Variants in SLC35F1 observed in about 807,000 individuals in gnomAD.
The protein encoded by SLC35F1 is chromosome 6 open reading frame 169.
Under a neutral mutation model 48.7 loss-of-function variants are expected in SLC35F1, and 14 were observed. The observed-to-expected ratio is 0.29, with a 90% CI of 0.19 to 0.45. The LOEUF (loss-of-function observed/expected upper bound fraction) is 0.45. Among genes scored for constraint, SLC35F1 ranks in the 20% least tolerant of loss-of-function variants. The pLI, the probability that SLC35F1 is intolerant of heterozygous loss-of-function variation, is 1.00. For missense variants in SLC35F1, 404 were observed against 500.0 expected (o/e 0.81, Z 1.83); for synonymous variants, 190 against 202.2 (o/e 0.94, Z 0.51).
chr6:118,061,850 A>G (rs1220361154), intron 1 of SLC35F1, among the ~76,000 whole-genome samples: 1 of 152,050 alleles, frequency 6.6e-6, no homozygotes, highest in African/African-American at 2.4e-5. Context: ...AGTTCACAAT[A>G]GAGTCTGCAC....
chr6:117,974,114 T>C (rs1410999490), intron 1 of SLC35F1, among the ~76,000 whole-genome samples: 1 of 152,222 alleles, frequency 6.6e-6, no homozygotes, highest in African/African-American at 2.4e-5. Context: ...AATCTCTCTA[T>C]GCCCCAGTTT....
intron 1 of SLC35F1, among the ~76,000 whole-genome samples, chr6:118,139,348 G>A (rs1269965632): frequency 3.3e-5 from 5 of 152,130 alleles, no homozygotes; most frequent in South Asian, 2.1e-4. Flanking sequence ...TCCTGACCTC[G>A]TGATCCACCC....
At chr6:118,093,817 T>C (rs1424883046) in intron 1 of SLC35F1, among the ~76,000 whole-genome samples, 1 of 152,114 alleles carries the variant, frequency 6.6e-6, no homozygotes, top group Admixed American at 6.5e-5. Flanking sequence ...AAGAAGAGTA[T>C]CCAGTAAGGT....
intron 2 of SLC35F1, among the ~76,000 whole-genome samples, chr6:118,221,779 T>A (rs559034535): frequency 6.6e-5 from 10 of 152,324 alleles, no homozygotes; most frequent in African/African-American, 2.4e-4. Context: ...ATTTCTCCCT[T>A]CCTGTATTGT....
At chr6:118,153,543 C>T (rs1191915509) in intron 1 of SLC35F1, among the ~76,000 whole-genome samples, 2 of 152,224 alleles carry the variant, frequency 1.3e-5, no homozygotes, top group East Asian at 3.9e-4. Flanking sequence ...TCAGGGAGGG[C>T]AGAAATCTAC....
chr6:118,041,239 G>A (rs1159631485), intron 1 of SLC35F1, among the ~76,000 whole-genome samples: 2 of 152,052 alleles, frequency 1.3e-5, no homozygotes, highest in Non-Finnish European at 2.9e-5. Context: ...ATATTTGGGG[G>A]TTTCTCAGAA....
chr6:118,194,538 C>T (rs1311392573), intron 2 of SLC35F1, among the ~76,000 whole-genome samples: 2 of 152,044 alleles, frequency 1.3e-5, no homozygotes, highest in East Asian at 3.9e-4. Context: ...TCTTGAATAG[C>T]GAGCTTATGG....
chr6:118,226,001 C>A (rs2105021), intron 2 of SLC35F1, among the ~76,000 whole-genome samples: 3 of 152,164 alleles, frequency 2.0e-5, no homozygotes, highest in Non-Finnish European at 2.9e-5. Context: ...AATATATAAA[C>A]AGTTATATAT....
intron 1 of SLC35F1, among the ~76,000 whole-genome samples, chr6:118,114,346 C>G (rs1773448386): frequency 6.6e-6 from 1 of 152,086 alleles, no homozygotes; most frequent in East Asian, 1.9e-4. Flanking sequence ...GTGAATTACT[C>G]CTTTTATTTT....
chr6:118,199,290 A>G, intron 2 of SLC35F1, among the ~76,000 whole-genome samples: 1 of 152,204 alleles, frequency 6.6e-6, no homozygotes, highest in Non-Finnish European at 1.5e-5. Context: ...TGGGTCAGTC[A>G]AGGTCATCTG....
chr6:118,025,029 A>G (rs1777444870), intron 1 of SLC35F1, among the ~76,000 whole-genome samples: 1 of 152,212 alleles, frequency 6.6e-6, no homozygotes, highest in Admixed American at 6.5e-5. Context: ...AGGTTCCCCT[A>G]TTGTTAACAT....
chr6:118,281,512 G>A (rs1195639026), intron 6 of SLC35F1, among the ~76,000 whole-genome samples: 1 of 152,070 alleles, frequency 6.6e-6, no homozygotes, highest in Non-Finnish European at 1.5e-5. Context: ...GGCAGTAGAG[G>A]GAGATTGGAG....
chr6:118,243,639 GT>G (rs1324131922), intron 3 of SLC35F1, among the ~76,000 whole-genome samples: 13 of 152,164 alleles, frequency 8.5e-5, no homozygotes, highest in South Asian at 4.1e-4. Context: ...TGTAAGTGTG[GT>G]CCCATAGTCA....
At chr6:118,092,346 CT>C (rs1251669024) in intron 1 of SLC35F1, among the ~76,000 whole-genome samples, 12 of 152,156 alleles carry the variant, frequency 7.9e-5, no homozygotes, top group African/African-American at 2.9e-4. Context: ...AAGTCAAGAA[CT>C]TAGGTTTGGC....
intron 2 of SLC35F1, among the ~76,000 whole-genome samples, chr6:118,220,879 T>G (rs1775138037): frequency 2.0e-5 from 3 of 152,202 alleles, no homozygotes; most frequent in Admixed American, 1.3e-4. Context: ...ATGCCTTCTT[T>G]GAGGCCTCTG....
intron 1 of SLC35F1, among the ~76,000 whole-genome samples, chr6:118,128,057 A>G (rs77058123): frequency 0.058 from 8,675 of 149,132 alleles, 339 homozygotes; most frequent in Middle Eastern, 0.094. Flanking sequence ...GACACATGAA[A>G]AAATGCTCAT....
rs1776036379 is a variant in SLC35F1 at position 118,285,333 on chromosome 6, T to C, written c.997T>C (p.Tyr333His). ...SLFCGLFLFH[Y>H]KFSGLYLLSF... ...GTTCTGTGGATTGTTTCTCTTCCAC[T>C]ACAAGGTAAGTTGAGTGAGTGCTCC... Residue 333 changes from tyrosine (Y) to histidine (H), a missense_variant, in exon 7 of 8, where the codon TAC becomes CAC. Physicochemically the swap from Tyr to His is moderately conservative, Grantham distance 83. Around this residue, in one of 2 missense-constraint regions of SLC35F1, gnomAD observed 306 missense variants for 419.1 expected, o/e 0.73. Transcript: ENST00000360388. 1 of 1,613,762 alleles carries C rather than the reference T, an allele frequency of 6.2e-7. No homozygotes were observed. The highest frequency in any genetic ancestry group is 1.3e-5 in the African/African-American group (1 of 74,906).
chr6:117,975,989 A>G (rs1776700732), intron 1 of SLC35F1, among the ~76,000 whole-genome samples: 1 of 152,246 alleles, frequency 6.6e-6, no homozygotes, highest in Admixed American at 6.5e-5. Context: ...AGTACAGAAC[A>G]TTCACGTTGC....
At chr6:118,133,185 T>C (rs1773742678) in intron 1 of SLC35F1, among the ~76,000 whole-genome samples, 1 of 152,126 alleles carries the variant, frequency 6.6e-6, no homozygotes, top group Non-Finnish European at 1.5e-5. Context: ...GATCTGCCCC[T>C]GGGTTCACAG....
Sources: allele counts gnomAD v4.1 joint callset (sites outside exome capture counted in the v4.1 genomes callset), GRCh38; gene constraint gnomAD v4.1.1; regional missense constraint gnomAD v4.1.1; transcripts MANE v1.5; gene names NCBI Gene and HGNC (gene_info 2026-07-23, HGNC 2026-07-21).